Variants in ROBO2 observed in about 807,000 individuals in gnomAD.
The protein encoded by ROBO2 is roundabout guidance receptor 2.
In ROBO2, 53 loss-of-function variants were observed where a neutral mutation model predicts 160.8. The observed-to-expected ratio is 0.33, with a 90% CI of 0.26 to 0.41. ROBO2 has a LOEUF of 0.41. Ranked by LOEUF, ROBO2 falls within the 10% of genes least tolerant of loss-of-function variation. The pLI is 1.00. For synonymous variants in ROBO2, 664 were observed against 611.7 expected (o/e 1.09, Z -1.26); for missense variants, 1,577 against 1,722.4 (o/e 0.92, Z 1.49).
chr3:76,636,802 T>C (rs1051073991), intron 2 of ROBO2, among the ~76,000 whole-genome samples: 1 of 151,924 alleles, frequency 6.6e-6, no homozygotes, highest in Non-Finnish European at 1.5e-5. Flanking sequence ...TCATAGGAAC[T>C]GTAACAAAGG....
chr3:76,962,556 T>C (rs1457561136), intron 2 of ROBO2, among the ~76,000 whole-genome samples: 1 of 149,318 alleles, frequency 6.7e-6, no homozygotes, highest in African/African-American at 2.5e-5. Flanking sequence ...GAGAATCACT[T>C]GAACCTAGGA....
intron 2 of ROBO2, among the ~76,000 whole-genome samples, chr3:77,335,524 T>C (rs953135646): frequency 6.6e-6 from 1 of 152,242 alleles, no homozygotes; most frequent in African/African-American, 2.4e-5. Context: ...GTATTTAGTT[T>C]GCCAAAATGT....
chr3:77,537,099 T>TGTG, intron 6 of ROBO2, among the ~76,000 whole-genome samples: 1 of 127,870 alleles, frequency 7.8e-6, no homozygotes, highest in East Asian at 2.4e-4. Context: ...ACATATTTTG[T>TGTG]GGGGGGGGGG....
chr3:77,468,411 A>G (rs1307979929), intron 2 of ROBO2, among the ~76,000 whole-genome samples: 2 of 152,212 alleles, frequency 1.3e-5, no homozygotes. Flanking sequence ...TTGGTCCCCA[A>G]GGAGAACATA....
chr3:76,364,297 T>G (rs914893216), intron 2 of ROBO2, among the ~76,000 whole-genome samples: 1 of 152,146 alleles, frequency 6.6e-6, no homozygotes, highest in South Asian at 2.1e-4. Context: ...ACTCTCACAG[T>G]TTTTCTCTAT....
intron 2 of ROBO2, among the ~76,000 whole-genome samples, chr3:77,423,491 A>C (rs183235814): frequency 6.6e-6 from 1 of 152,322 alleles, no homozygotes; most frequent in African/African-American, 2.4e-5. Flanking sequence ...TTTTGACCAA[A>C]TATAACCTCA....
At chr3:77,008,212 A>C (rs1238591358) in intron 2 of ROBO2, among the ~76,000 whole-genome samples, 1 of 152,108 alleles carries the variant, frequency 6.6e-6, no homozygotes, top group Non-Finnish European at 1.5e-5. Context: ...ATTTAAAACA[A>C]ATCAACCCCA....
intron 2 of ROBO2, among the ~76,000 whole-genome samples, chr3:76,521,008 G>T (rs1385718041): frequency 1.4e-5 from 2 of 138,920 alleles, no homozygotes; most frequent in South Asian, 4.7e-4. Context: ...TTGTCCAGAA[G>T]TTTGATATGA....
intron 2 of ROBO2, among the ~76,000 whole-genome samples, chr3:76,217,471 CA>C (rs1168845004): frequency 6.6e-6 from 1 of 151,958 alleles, no homozygotes; most frequent in African/African-American, 2.4e-5. Context: ...TAAAAAATGA[CA>C]AAGGTGATAT....
intron 2 of ROBO2, among the ~76,000 whole-genome samples, chr3:76,280,726 A>T (rs899207142): frequency 6.6e-6 from 1 of 151,964 alleles, no homozygotes; most frequent in African/African-American, 2.4e-5. Flanking sequence ...CAGAAGATCT[A>T]AAAGATCTTC....
chr3:77,319,043 T>C (rs1581025019), intron 2 of ROBO2, among the ~76,000 whole-genome samples: 1 of 152,176 alleles, frequency 6.6e-6, no homozygotes, highest in Admixed American at 6.5e-5. Flanking sequence ...TTTTGATTAG[T>C]CTGTGCTCCT....
chr3:77,048,097 C>T (rs1272593929), intron 1 of ROBO2, among the ~76,000 whole-genome samples: 1 of 152,176 alleles, frequency 6.6e-6, no homozygotes, highest in African/African-American at 2.4e-5. Flanking sequence ...ATAAATGCCA[C>T]TCAAGCATAA....
At chr3:76,743,789 A>T (rs1224781861) in intron 2 of ROBO2, among the ~76,000 whole-genome samples, 1 of 151,836 alleles carries the variant, frequency 6.6e-6, no homozygotes, top group Non-Finnish European at 1.5e-5. Flanking sequence ...ATAAATTATA[A>T]ATTATTTAAT....
At chr3:76,846,752 G>A (rs1285376159) in intron 2 of ROBO2, among the ~76,000 whole-genome samples, 1 of 152,032 alleles carries the variant, frequency 6.6e-6, no homozygotes, top group Non-Finnish European at 1.5e-5. Context: ...TAACTTAGAA[G>A]TTTAAAGTTG....
At chr3:77,181,136 G>C (rs572177791) in intron 2 of ROBO2, among the ~76,000 whole-genome samples, 1 of 152,010 alleles carries the variant, frequency 6.6e-6, no homozygotes, top group Non-Finnish European at 1.5e-5. Context: ...AGTGCTTAAT[G>C]CTTCCCACCT....
At chr3:77,204,600 A>C (rs984289461) in intron 2 of ROBO2, among the ~76,000 whole-genome samples, 1 of 152,160 alleles carries the variant, frequency 6.6e-6, no homozygotes, top group African/African-American at 2.4e-5. Flanking sequence ...CTTCATTTCT[A>C]ATAAACATAG....
chr3:76,825,096 A>T (rs1490239272), intron 2 of ROBO2, among the ~76,000 whole-genome samples: 1 of 152,166 alleles, frequency 6.6e-6, no homozygotes, highest in Non-Finnish European at 1.5e-5. Context: ...AGGAGTAATA[A>T]TTATAAATCA....
intron 2 of ROBO2, among the ~76,000 whole-genome samples, chr3:76,979,080 C>T (rs1372160690): frequency 6.6e-6 from 1 of 152,042 alleles, no homozygotes; most frequent in East Asian, 1.9e-4. Flanking sequence ...GCAGCTGGGA[C>T]TACAGGTGTG....
At chr3:76,967,077 C>T (rs2059333594) in intron 2 of ROBO2, among the ~76,000 whole-genome samples, 1 of 152,122 alleles carries the variant, frequency 6.6e-6, no homozygotes. Flanking sequence ...TCACATCAAA[C>T]TTGTAAGGTG....
Sources: allele counts gnomAD v4.1 joint callset (sites outside exome capture counted in the v4.1 genomes callset), GRCh38; gene constraint gnomAD v4.1.1; transcripts MANE v1.5; gene names NCBI Gene and HGNC (gene_info 2026-07-23, HGNC 2026-07-21).